The following NTN1 variants were observed in gnomAD, a reference collection of about 807,000 sequenced individuals.
The protein encoded by NTN1 is netrin 1.
A neutral mutation model predicts 54.2 loss-of-function variants in NTN1; 11 were observed. The observed-to-expected ratio is 0.20, with a 90% CI of 0.13 to 0.34. NTN1 has a LOEUF of 0.34. Among genes scored for constraint, NTN1 ranks in the 10% least tolerant of loss-of-function variants. The pLI is 1.00. For synonymous variants in NTN1, 371 were observed against 382.0 expected (o/e 0.97, Z 0.33); for missense variants, 740 against 893.1 (o/e 0.83, Z 2.18).
intron 5 of NTN1, among the ~76,000 whole-genome samples, chr17:9,220,317 CTG>C (rs1905303168): frequency 6.6e-6 from 1 of 152,218 alleles, no homozygotes. Context: ...GCAGGGCAGA[CTG>C]GGGGAGATTT....
intron 5 of NTN1, among the ~76,000 whole-genome samples, chr17:9,186,650 G>A (rs1175613407): frequency 6.6e-6 from 1 of 152,354 alleles, no homozygotes; most frequent in East Asian, 1.9e-4. Flanking sequence ...AAACTCCACA[G>A]AGCCCGGCAG....
chr17:9,221,284 C>T lies in NTN1; in HGVS notation c.1486+42C>T. 2.0e-6 allele frequency: 3 copies of T among 1,516,882 alleles called. No individual in the cohort carries two copies. The highest frequency in any genetic ancestry group is 2.7e-6 in the Non-Finnish European group (3 of 1,091,986). The allele number at this position is 1,516,882 out of a possible 1,614,324, so 94.0% of individuals were successfully genotyped here. ...TTGTCTGGGGAGGATGGGAGGGGGC[C>T]ACGTGACCAGCGAGGTGCTGGGGCT... On this transcript the variant is annotated intron_variant, in intron 6 of 6. Transcript: ENST00000173229. The surrounding 1 kb of genome is among the most constrained non-coding windows in gnomAD (Gnocchi z 4.5).
At chr17:9,072,820 C>T (rs1470623303) in intron 2 of NTN1, among the ~76,000 whole-genome samples, 2 of 152,218 alleles carry the variant, frequency 1.3e-5, no homozygotes, top group African/African-American at 4.8e-5. Flanking sequence ...GCACGGAGGC[C>T]CCGTTTCTGG....
intron 5 of NTN1, among the ~76,000 whole-genome samples, chr17:9,204,558 G>T (rs544762882): frequency 1.3e-5 from 2 of 152,350 alleles, no homozygotes; most frequent in East Asian, 3.9e-4. Flanking sequence ...GCCTCCCAAA[G>T]TGTCGGGATT....
intron 2 of NTN1, among the ~76,000 whole-genome samples, chr17:9,131,055 G>A (rs1055582357): frequency 2.0e-5 from 3 of 151,884 alleles, no homozygotes; most frequent in African/African-American, 4.8e-5. Flanking sequence ...CTCTTTCTCC[G>A]CTCTGCCAGG....
chr17:9,013,868 C>A, the NTN1 span, among the ~76,000 whole-genome samples: 2 of 152,344 alleles, frequency 1.3e-5, no homozygotes, highest in Non-Finnish European at 2.9e-5. Flanking sequence ...AGCCTCCCTA[C>A]ACAGTGACCC....
Position 9,211,692 on chromosome 17 carries a change from G to A in NTN1, c.1412-9476G>A, listed in dbSNP as rs528550730. On this transcript the variant is annotated intron_variant, in intron 5 of 6. Coordinates refer to ENST00000173229, the MANE Select transcript of NTN1 (RefSeq NM_004822.3). This position sits in a 1 kb window ranked among gnomAD's most constrained non-coding sequence, Gnocchi z 4.4. ...TTTTAATCTGTGCCCCAGCCATATC[G>A]TGTGAGTGTGTGTATGCTTGCCTTC... Among the ~76,000 whole-genome samples the A allele has an allele frequency of 7.9e-5, 12 of 152,340 alleles. No individual in the cohort carries two copies. The highest frequency in any genetic ancestry group is 2.6e-4 in the African/African-American group (11 of 41,580).
rs1225858027 is a variant in NTN1, at chr17:9,221,026, T to C, written c.1412-142T>C. On this transcript the variant is annotated intron_variant, in intron 5 of 6. Coordinates refer to ENST00000173229, the MANE Select transcript of NTN1 (RefSeq NM_004822.3). The surrounding 1 kb of genome is among the most constrained non-coding windows in gnomAD (Gnocchi z 4.5). The stretch of plus-strand genomic sequence containing the variant: ...TTTAGAAGCGCAGGCCTTTCCTGAA[T>C]GGCCGCCTGCCCGCCCGGCCTGGCC... 1 of 722,602 alleles carries C rather than the reference T, an allele frequency of 1.4e-6. No homozygotes were observed. The highest frequency in any genetic ancestry group is 2.0e-5 in the Admixed American group (1 of 49,814). 44.8% of individuals were successfully genotyped at this position (722,602 alleles called of 1,614,324 possible).
intron 1 of NTN1, 122 bp from the exon 2 acceptor site, chr17:9,022,189 C>T (rs893031186): frequency 3.3e-6 from 2 of 606,768 alleles, no homozygotes; most frequent in Non-Finnish European, 4.8e-6. Flanking sequence ...GAGAGGCGGG[C>T]AGTCGGCTGC....
At position 9,135,942 on chromosome 17, in the gene NTN1, G is replaced by A. The variant is rs945536508; in HGVS notation, c.1019-26871G>A. Among the ~76,000 whole-genome samples the A allele has an allele frequency of 1.3e-5, 2 of 152,184 alleles. No homozygotes were observed. Among genetic ancestry groups the A allele is most frequent in the African/African-American group, 4.8e-5 (2 of 41,452 alleles). ...ACCCCAAACGTGTCTGTGTGCGCACGCTCACTCATACATGTGTGCACGTGC... is the reference window on the plus strand; with the variant it reads ...ACCCCAAACGTGTCTGTGTGCGCACACTCACTCATACATGTGTGCACGTGC... On this transcript the variant is annotated intron_variant, in intron 2 of 6. Coordinates refer to ENST00000173229, the MANE Select transcript of NTN1 (RefSeq NM_004822.3). The surrounding 1 kb of genome is among the most constrained non-coding windows in gnomAD (Gnocchi z 4.4).
Position 9,021,550 on chromosome 17 carries a change from G to C in NTN1, c.-99G>C, listed in dbSNP as rs1182998585. 6.6e-6 allele frequency: 1 copy of C among 151,610 alleles called. No homozygotes were observed. Among genetic ancestry groups the C allele is most frequent in the East Asian group, 1.9e-4 (1 of 5,130 alleles). 9.4% of individuals were successfully genotyped at this position (151,610 alleles called of 1,614,324 possible). On this transcript the variant is annotated 5_prime_UTR_variant, in exon 1 of 7. Transcript: ENST00000173229. ...GGCGGCGGCGGCGGAGCCTTCGGGG[G>C]CGAGCGCGCGTGTGTGTGAGTGCGC...
intron 2 of NTN1, among the ~76,000 whole-genome samples, chr17:9,056,384 G>A (rs558482562): frequency 1.3e-5 from 2 of 152,342 alleles, no homozygotes; most frequent in African/African-American, 4.8e-5. Flanking sequence ...TGGTTTTGAT[G>A]GGGAGCCGCC....
intron 5 of NTN1, among the ~76,000 whole-genome samples, chr17:9,208,463 T>C (rs936823308): frequency 1.1e-4 from 16 of 152,168 alleles, no homozygotes; most frequent in Admixed American, 9.8e-4. Context: ...TGCACTGTGC[T>C]AGGTGCTGGG....
At chr17:9,168,973 C>A (rs2092380148) in intron 3 of NTN1, among the ~76,000 whole-genome samples, 1 of 152,120 alleles carries the variant, frequency 6.6e-6, no homozygotes, top group South Asian at 2.1e-4. Flanking sequence ...AAGGTTAGTA[C>A]CTACTGGGAG....
chr17:9,221,792 A>G lies in NTN1; in HGVS notation c.1486+550A>G, dbSNP rs1183758733. Among the ~76,000 whole-genome samples the G allele has an allele frequency of 6.6e-6, 1 of 152,116 alleles. No individual in the cohort carries two copies. The highest frequency in any genetic ancestry group is 1.9e-4 in the East Asian group (1 of 5,160). On this transcript the variant is annotated intron_variant, in intron 6 of 6. Coordinates refer to ENST00000173229, the MANE Select transcript of NTN1 (RefSeq NM_004822.3). The surrounding 1 kb of genome is among the most constrained non-coding windows in gnomAD (Gnocchi z 4.5). ...GCAGACAGTCCTGGGGGCCACCTGCAGAGATTGCTTGTCACCTGTGACCTC... is the reference window on the plus strand; with the variant it reads ...GCAGACAGTCCTGGGGGCCACCTGCGGAGATTGCTTGTCACCTGTGACCTC...
chr17:9,054,551 C>T (rs1335090378), intron 2 of NTN1, among the ~76,000 whole-genome samples: 2 of 152,164 alleles, frequency 1.3e-5, no homozygotes, highest in Non-Finnish European at 2.9e-5. Context: ...AAGTTTCCCC[C>T]ATACAGTATC....
chr17:9,026,978 C>T (rs1272865983), intron 2 of NTN1, among the ~76,000 whole-genome samples: 1 of 152,088 alleles, frequency 6.6e-6, no homozygotes, highest in Non-Finnish European at 1.5e-5. Flanking sequence ...TCATAGGTAC[C>T]TGCAACATAA....
At position 9,122,753 on chromosome 17, in the gene NTN1, T is replaced by G. The variant is rs117107596; in HGVS notation, c.1019-40060T>G. On this transcript the variant is annotated intron_variant, in intron 2 of 6. Transcript: ENST00000173229. ...GAGTGACGATGTTAATACCCTGTGG[T>G]GTGTCTGTTGCCTGGTGGACCTTTT... 6.4e-3 allele frequency among the ~76,000 whole-genome samples: 978 copies of G among 152,346 alleles called. 7 individuals carry two copies. The highest frequency in any genetic ancestry group is 0.027 in the Middle Eastern group (8 of 294).
At chr17:9,190,617 C>T (rs1359857557) in intron 5 of NTN1, among the ~76,000 whole-genome samples, 3 of 152,084 alleles carry the variant, frequency 2.0e-5, no homozygotes, top group Non-Finnish European at 4.4e-5. Flanking sequence ...TTTGGGAGGC[C>T]GAGGTAGGCA....
Sources: gnomAD v4.1 joint callset for allele counts (sites outside exome capture counted in the v4.1 genomes callset) on GRCh38, gnomAD v4.1.1 for gene constraint, Gnocchi (gnomAD v3.1) non-coding constraint, MANE v1.5 for transcripts, NCBI Gene and HGNC (gene_info 2026-07-23, HGNC 2026-07-21) for gene names.